Variants in LDAH observed in about 807,000 individuals in gnomAD.
LDAH encodes lipid droplet associated hydrolase, also known as lipid droplet-associated hydrolase.
In LDAH, 26 loss-of-function variants were observed where a neutral mutation model predicts 29.6. The ratio of observed to expected loss-of-function variants is 0.88; its 90% CI spans 0.64 to 1.22. LDAH has a LOEUF of 1.22. LDAH is among the 50% of genes most tolerant of loss of function. The probability of loss-of-function intolerance (pLI) is 0.00; values close to 1 mark genes in which losing one functional copy is unlikely to be tolerated. For synonymous variants in LDAH, 117 were observed against 133.0 expected (o/e 0.88, Z 0.83); for missense variants, 344 against 387.3 (o/e 0.89, Z 0.94).
intron 1 of LDAH, among the ~76,000 whole-genome samples, chr2:20,801,930 A>ATGTGTGTGTGTGTG (rs35921690): frequency 2.5e-4 from 35 of 140,222 alleles, no homozygotes; most frequent in African/African-American, 9.3e-4. Context: ...CCCAAATTCT[A>ATGTGTGTGTGTGTG]TGTGTGTGTG....
chr2:20,782,858 T>C (rs1377611342), intron 3 of LDAH, among the ~76,000 whole-genome samples: 1 of 152,170 alleles, frequency 6.6e-6, no homozygotes, highest in African/African-American at 2.4e-5. Flanking sequence ...TTTTCTTCTC[T>C]TTGCTTTAGG....
At chr2:20,760,063 A>G (rs1344297896) in intron 4 of LDAH, among the ~76,000 whole-genome samples, 1 of 152,204 alleles carries the variant, frequency 6.6e-6, no homozygotes, top group Non-Finnish European at 1.5e-5. Context: ...ATCACCAGGC[A>G]AGCTATCAAA....
chr2:20,797,978 G>A (rs576764370), intron 2 of LDAH, among the ~76,000 whole-genome samples: 41 of 152,244 alleles, frequency 2.7e-4, no homozygotes, highest in South Asian at 4.2e-4. Context: ...AAAAGGTCTC[G>A]AAAATGTGGG....
chr2:20,792,182 T>A (rs556021920), intron 2 of LDAH, among the ~76,000 whole-genome samples: 1 of 152,160 alleles, frequency 6.6e-6, no homozygotes, highest in Non-Finnish European at 1.5e-5. Flanking sequence ...TATTACTGAG[T>A]ATAACCTTCT....
Position 20,698,518 on chromosome 2 carries a change from T to A in LDAH, c.786+3052A>T, listed in dbSNP as rs912940500. On this transcript the variant is annotated intron_variant, in intron 6 of 6. Coordinates refer to ENST00000237822, the MANE Select transcript of LDAH (RefSeq NM_021925.4). The surrounding 1 kb of genome is among the most constrained non-coding windows in gnomAD (Gnocchi z 4.4). ...GCCTGACCAACATGGTGAAACCCTG[T>A]CTCTAGTAAAAATTAGCTGGGTATG... Among the ~76,000 whole-genome samples, 1 of 152,016 alleles carries A rather than the reference T, an allele frequency of 6.6e-6. No individual in the cohort carries two copies. Among genetic ancestry groups the A allele is most frequent in the African/African-American group, 2.4e-5 (1 of 41,380 alleles).
At chr2:20,753,463 A>T (rs1668101672) in intron 4 of LDAH, among the ~76,000 whole-genome samples, 1 of 152,250 alleles carries the variant, frequency 6.6e-6, no homozygotes, top group Admixed American at 6.5e-5. Context: ...ATCTATATGT[A>T]GCTATCTGGA....
chr2:20,727,862 C>T (rs957463308), intron 5 of LDAH, among the ~76,000 whole-genome samples: 1 of 152,070 alleles, frequency 6.6e-6, no homozygotes, highest in African/African-American at 2.4e-5. Flanking sequence ...TTGATGAACA[C>T]TGTGGTAAAG....
At chr2:20,779,648 C>T (rs1395413330) in intron 3 of LDAH, among the ~76,000 whole-genome samples, 1 of 151,698 alleles carries the variant, frequency 6.6e-6, no homozygotes, top group Non-Finnish European at 1.5e-5. Flanking sequence ...AAAAAACAAA[C>T]CTTTTTCTGT....
intron 4 of LDAH, among the ~76,000 whole-genome samples, chr2:20,743,270 C>T (rs150877920): frequency 2.0e-4 from 30 of 149,696 alleles, no homozygotes; most frequent in Admixed American, 7.3e-4. Flanking sequence ...TAGTGGTTGC[C>T]CTAGATTTTG....
chr2:20,804,314 A>T (rs1004276285), intron 1 of LDAH, among the ~76,000 whole-genome samples: 11 of 152,232 alleles, frequency 7.2e-5, no homozygotes, highest in Non-Finnish European at 7.3e-5. Flanking sequence ...GCAATCTGGC[A>T]GCATGGATCA....
chr2:20,687,601 T>C (rs928811831), intron 6 of LDAH, among the ~76,000 whole-genome samples: 2 of 152,168 alleles, frequency 1.3e-5, no homozygotes, highest in Non-Finnish European at 2.9e-5. Context: ...CCTGAGAGAG[T>C]TTATGACCTT....
chr2:20,795,263 G>A (rs548564488), intron 2 of LDAH, among the ~76,000 whole-genome samples: 67 of 152,266 alleles, frequency 4.4e-4, no homozygotes, highest in Middle Eastern at 3.4e-3. Context: ...AATGCTGCAA[G>A]TATAGACTTA....
intron 5 of LDAH, among the ~76,000 whole-genome samples, chr2:20,707,618 T>G (rs917971865): frequency 2.0e-5 from 3 of 152,150 alleles, no homozygotes; most frequent in Admixed American, 1.3e-4. Context: ...CCCCCTGAAT[T>G]TCAGCTAGGT....
At chr2:20,709,007 A>G (rs1595328) in intron 5 of LDAH, among the ~76,000 whole-genome samples, 36,785 of 152,066 alleles carry the variant, frequency 0.24, 4,943 homozygotes, top group East Asian at 0.36. Context: ...GGATTGCAAC[A>G]GACATTTCTA....
In LDAH at chr2:20,698,637, G is replaced by A. The variant is rs1161908715; in HGVS notation, c.786+2933C>T. 6.6e-6 allele frequency among the ~76,000 whole-genome samples: 1 copy of A among 152,044 alleles called. No homozygotes were observed. Among genetic ancestry groups the A allele is most frequent in the Non-Finnish European group, 1.5e-5 (1 of 68,026 alleles). Reference sequence around the variant, plus strand: ...GGAGGTTGCAGTGAGCCGAGATCGTGCCACTGCACTCTAGCCTGGGCGACA... The same window carrying A: ...GGAGGTTGCAGTGAGCCGAGATCGTACCACTGCACTCTAGCCTGGGCGACA... On this transcript the variant is annotated intron_variant, in intron 6 of 6. Coordinates refer to ENST00000237822, the MANE Select transcript of LDAH (RefSeq NM_021925.4). This position sits in a 1 kb window ranked among gnomAD's most constrained non-coding sequence, Gnocchi z 4.4.
At chr2:20,693,478 C>T (rs556314278) in intron 6 of LDAH, among the ~76,000 whole-genome samples, 13 of 152,186 alleles carry the variant, frequency 8.5e-5, no homozygotes, top group Admixed American at 3.3e-4. Context: ...GTCATATTCC[C>T]CAGACATGAC....
intron 1 of LDAH, among the ~76,000 whole-genome samples, chr2:20,803,494 G>A (rs982706756): frequency 1.3e-5 from 2 of 152,206 alleles, no homozygotes; most frequent in African/African-American, 4.8e-5. Context: ...ACACAGGGAG[G>A]CCTCTCCAAC....
chr2:20,786,285 G>C (rs888021543), intron 3 of LDAH, among the ~76,000 whole-genome samples: 1 of 152,118 alleles, frequency 6.6e-6, no homozygotes, highest in Non-Finnish European at 1.5e-5. Context: ...TGCCTCCCGG[G>C]TTCAAGCAAT....
chr2:20,777,261 A>G (rs1252513578), intron 3 of LDAH, among the ~76,000 whole-genome samples: 1 of 152,186 alleles, frequency 6.6e-6, no homozygotes, highest in African/African-American at 2.4e-5. Flanking sequence ...ATAAATCAGA[A>G]TATTTCAGAG....
Sources: gnomAD v4.1 joint callset for allele counts (sites outside exome capture counted in the v4.1 genomes callset) on GRCh38, gnomAD v4.1.1 for gene constraint, Gnocchi (gnomAD v3.1) non-coding constraint, MANE v1.5 for transcripts, NCBI Gene and HGNC (gene_info 2026-07-23, HGNC 2026-07-21) for gene names.